KCNMA1: variants seen among roughly 807,000 people sequenced by gnomAD.
The protein encoded by KCNMA1 is potassium calcium-activated channel subfamily M alpha 1.
A neutral mutation model predicts 140.0 loss-of-function variants in KCNMA1; 29 were observed. The ratio of observed to expected loss-of-function variants is 0.21; its 90% confidence interval spans 0.15 to 0.28. The LOEUF is 0.28. KCNMA1 is among the 10% of genes least tolerant of loss of function. The pLI, the probability that KCNMA1 is intolerant of heterozygous loss-of-function variation, is 1.00. For synonymous variants in KCNMA1, 612 were observed against 611.9 expected (o/e 1.00, Z 0.00); for missense variants, 880 against 1,602.2 (o/e 0.55, Z 7.70).
intron 1 of KCNMA1, among the ~76,000 whole-genome samples, chr10:77,482,390 G>A (rs2098408669): frequency 6.6e-6 from 1 of 152,238 alleles, no homozygotes. Flanking sequence ...GTGGGGACAG[G>A]AGGCTTAGGG....
chr10:76,884,930 C>T lies in KCNMA1; in HGVS notation c.*2336G>A, dbSNP rs200697739. The T allele has an allele frequency of 3.5e-5, 52 of 1,498,324 alleles. 1 individual carries two copies. In the South Asian group the frequency reaches 5.9e-4, roughly 17 times the overall value. 92.8% of individuals were successfully genotyped at this position (1,498,324 alleles called of 1,614,324 possible). The stretch of plus-strand genomic sequence containing the variant: ...TTCACAAAAGTTTTCACAAGGACAA[C>T]GTTATAGAAGAAAACCCCCAGCAGT... On this transcript the variant is annotated 3_prime_UTR_variant, in exon 28 of 28. Coordinates refer to ENST00000286628, the MANE Select transcript of KCNMA1 (RefSeq NM_001161352.2).
At chr10:76,981,713 T>A (rs1437742261) in intron 19 of KCNMA1, among the ~76,000 whole-genome samples, 2 of 152,168 alleles carry the variant, frequency 1.3e-5, no homozygotes, top group African/African-American at 2.4e-5. Flanking sequence ...CCCAGATGAT[T>A]ATGACAAGAT....
chr10:77,422,618 A>C (rs2096891309), intron 1 of KCNMA1, among the ~76,000 whole-genome samples: 1 of 152,196 alleles, frequency 6.6e-6, no homozygotes, highest in Non-Finnish European at 1.5e-5. Flanking sequence ...TGTGAAGGTA[A>C]GCCTTATTTG....
chr10:77,601,536 G>T (rs1324860196), intron 1 of KCNMA1, among the ~76,000 whole-genome samples: 30 of 152,180 alleles, frequency 2.0e-4, no homozygotes, highest in Non-Finnish European at 1.5e-5. Flanking sequence ...ATTACATATT[G>T]ACTCTCCTTT....
chr10:77,404,181 A>AT (rs1249263175), intron 1 of KCNMA1, among the ~76,000 whole-genome samples, 158 bp from the exon 2 acceptor site: 1 of 152,208 alleles, frequency 6.6e-6, no homozygotes, highest in Non-Finnish European at 1.5e-5. Flanking sequence ...TATGCCTTTG[A>AT]TTTTTTTAAA....
chr10:77,093,751 T>C (rs1177594761), intron 9 of KCNMA1, among the ~76,000 whole-genome samples: 3 of 152,182 alleles, frequency 2.0e-5, no homozygotes, highest in African/African-American at 7.2e-5. Flanking sequence ...AACACAAATA[T>C]GTTAAGATAG....
At chr10:77,359,698 A>C (rs1440724809) in intron 2 of KCNMA1, among the ~76,000 whole-genome samples, 1 of 152,202 alleles carries the variant, frequency 6.6e-6, no homozygotes, top group Non-Finnish European at 1.5e-5. Flanking sequence ...TGGCGCCCCA[A>C]AGACCCAGTT....
intron 1 of KCNMA1, among the ~76,000 whole-genome samples, chr10:77,577,383 A>G (rs1448338575): frequency 1.3e-5 from 2 of 152,154 alleles, no homozygotes; most frequent in African/African-American, 4.8e-5. Context: ...TGAAGCAGTT[A>G]ACTTGCCTTA....
In KCNMA1 at chr10:76,915,387, C is replaced by T. The variant is rs138742746; in HGVS notation, c.2903-338G>A. Among the ~76,000 whole-genome samples the T allele has an allele frequency of 5.4e-3, 826 of 152,216 alleles. 11 individuals are homozygous for T. Among genetic ancestry groups the T allele is most frequent in the Admixed American group, 0.027 (407 of 15,280 alleles). ...CTTGAAGTTAGGTATGGCCATGTGACACATGAAATGCTCTGGCCCATGAAA... is the reference window on the plus strand; with the variant it reads ...CTTGAAGTTAGGTATGGCCATGTGATACATGAAATGCTCTGGCCCATGAAA... On this transcript the variant is annotated intron_variant, in intron 23 of 27. Coordinates refer to ENST00000286628, the MANE Select transcript of KCNMA1 (RefSeq NM_001161352.2).
At chr10:77,578,930 C>T (rs2075060672) in intron 1 of KCNMA1, among the ~76,000 whole-genome samples, 1 of 152,254 alleles carries the variant, frequency 6.6e-6, no homozygotes, top group Non-Finnish European at 1.5e-5. Flanking sequence ...ATATACCAGG[C>T]ACTGGGTCTG....
At chr10:77,216,303 AC>A in intron 3 of KCNMA1, among the ~76,000 whole-genome samples, 1 of 152,266 alleles carries the variant, frequency 6.6e-6, no homozygotes. Flanking sequence ...TATACTAGAA[AC>A]CACTTTAAAT....
chr10:77,335,982 A>AG (rs2088789541), intron 2 of KCNMA1, among the ~76,000 whole-genome samples: 1 of 152,174 alleles, frequency 6.6e-6, no homozygotes, highest in Non-Finnish European at 1.5e-5. Context: ...TGGGAATGAG[A>AG]GGATGAAGAA....
intron 18 of KCNMA1, among the ~76,000 whole-genome samples, chr10:77,002,796 T>G (rs113973884): frequency 3.9e-5 from 6 of 152,354 alleles, no homozygotes; most frequent in African/African-American, 1.4e-4. Context: ...TCACTTATCA[T>G]GAACTGGCCT....
chr10:76,978,638 C>T (rs1252152084), intron 19 of KCNMA1: 1 of 152,098 alleles, frequency 6.6e-6, no homozygotes, highest in East Asian at 1.9e-4. Flanking sequence ...ATTTATGGAG[C>T]CTGTAAAGGA....
chr10:77,475,364 G>C (rs1463456678), intron 1 of KCNMA1, among the ~76,000 whole-genome samples: 1 of 152,114 alleles, frequency 6.6e-6, no homozygotes, highest in East Asian at 1.9e-4. Context: ...CACAAACCTA[G>C]GTGCCACATT....
At chr10:77,588,756 A>G (rs1260157720) in intron 1 of KCNMA1, among the ~76,000 whole-genome samples, 1 of 152,222 alleles carries the variant, frequency 6.6e-6, no homozygotes, top group Non-Finnish European at 1.5e-5. Context: ...GCAAGAGGAA[A>G]CCTGGGGAAG....
At chr10:77,544,689 G>C (rs2061002968) in intron 1 of KCNMA1, among the ~76,000 whole-genome samples, 1 of 152,164 alleles carries the variant, frequency 6.6e-6, no homozygotes, top group Non-Finnish European at 1.5e-5. Flanking sequence ...CTGTTGAAGA[G>C]ACTGAAGCCC....
intron 3 of KCNMA1, among the ~76,000 whole-genome samples, chr10:77,206,240 GA>G (rs1565207836): frequency 6.6e-6 from 1 of 151,912 alleles, no homozygotes; most frequent in Non-Finnish European, 1.5e-5. Flanking sequence ...TTTTAAAACT[GA>G]AAAAAAGAGG....
At chr10:77,568,669 T>G (rs1389756645) in intron 1 of KCNMA1, among the ~76,000 whole-genome samples, 69 of 149,086 alleles carry the variant, frequency 4.6e-4, no homozygotes, top group South Asian at 1.5e-3. Flanking sequence ...CTTTGAAAAC[T>G]GGCACAAGAC....
Sources: gnomAD v4.1 joint callset for allele counts (sites outside exome capture counted in the v4.1 genomes callset) on GRCh38, gnomAD v4.1.1 for gene constraint, MANE v1.5 for transcripts, NCBI Gene and HGNC (gene_info 2026-07-23, HGNC 2026-07-21) for gene names.